MAP4K5: variants seen among roughly 807,000 people sequenced by gnomAD.
MAP4K5 encodes MAPK/ERK kinase kinase kinase 5.
A neutral mutation model predicts 135.6 loss-of-function variants in MAP4K5; 82 were observed. The observed-to-expected ratio is 0.60, with a 90% CI of 0.51 to 0.73. The LOEUF is 0.73. MAP4K5 is among the 30% of genes least tolerant of loss of function. The probability of loss-of-function intolerance (pLI) is 0.00; values close to 1 mark genes in which losing one functional copy is unlikely to be tolerated. For missense variants in MAP4K5, 907 were observed against 1,010.9 expected (o/e 0.90, Z 1.39); for synonymous variants, 347 against 335.0 (o/e 1.04, Z -0.39).
Position 50,419,872 on chromosome 14 carries a change from T to C in MAP4K5, c.*147A>G, listed in dbSNP as rs1457806896. ...TAGCTGTTTCCAGCTGCAGAAAATA[T>C]TGAATTCTACCCTAAAGTACAGATC... is the stretch of plus-strand genomic sequence containing the variant. On this transcript the variant is annotated 3_prime_UTR_variant, in exon 33 of 33. Coordinates refer to ENST00000682126, the MANE Select transcript of MAP4K5 (RefSeq NM_006575.6). 7 of 610,430 alleles carry C rather than the reference T, an allele frequency of 1.1e-5. No individual in the cohort carries two copies. The highest frequency in any genetic ancestry group is 2.0e-5 in the Non-Finnish European group (7 of 342,958). The allele number at this position is 610,430 out of a possible 1,614,324, so 37.8% of individuals were successfully genotyped here. A position where few individuals can be genotyped will look rare whatever the true frequency, so the allele number is the denominator to read the frequency against.
rs747743320 is a variant in MAP4K5 at position 50,445,166 on chromosome 14, TTGTCTTCAGGGTAAC to T, written c.1199_1213del (p.Ser400_Asp404del). 1.2e-6 allele frequency: 2 copies of T among 1,613,516 alleles called. No individual in the cohort carries two copies. Among genetic ancestry groups the T allele is most frequent in the Admixed American group, 1.7e-5 (1 of 59,966 alleles). On this transcript the variant is annotated inframe_deletion, in exon 18 of 33. Coordinates refer to ENST00000682126, the MANE Select transcript of MAP4K5 (RefSeq NM_006575.6). ...TGATGCTTTTTCTTCATCCGGAAAG[TTGTCTTCAGGGTAAC>T]TGCTTATCCTTGGCTAGTGGTACAA...
chr14:50,483,333 G>A (rs1267037389), intron 5 of MAP4K5, among the ~76,000 whole-genome samples: 2 of 152,006 alleles, frequency 1.3e-5, no homozygotes, highest in African/African-American at 4.8e-5. Flanking sequence ...CAGAGGCTTC[G>A]GGACTATGCC....
chr14:50,428,538 A>T, intron 30 of MAP4K5, 124 bp downstream of exon 30: 1 of 578,960 alleles, frequency 1.7e-6, no homozygotes, highest in Non-Finnish European at 2.9e-6. Context: ...TTACAGGCGT[A>T]GAACATTTCT....
intron 11 of MAP4K5, among the ~76,000 whole-genome samples, chr14:50,465,337 C>G (rs192827369): frequency 6.6e-6 from 1 of 152,224 alleles, no homozygotes; most frequent in East Asian, 1.9e-4. Flanking sequence ...ATAAGGAATT[C>G]TAGAATTTAA....
At chr14:50,470,704 T>C (rs2036940295) in intron 9 of MAP4K5, among the ~76,000 whole-genome samples, 2 of 152,036 alleles carry the variant, frequency 1.3e-5, no homozygotes, top group African/African-American at 2.4e-5. Flanking sequence ...TATAAAATGG[T>C]ATCATATTGC....
Position 50,445,282 on chromosome 14 carries a change from C to A in MAP4K5, c.1186-88G>T, listed in dbSNP as rs112687551. 17 of 1,232,554 alleles carry A rather than the reference C, an allele frequency of 1.4e-5. 1 individual carries two copies. Among genetic ancestry groups the A allele is most frequent in the Middle Eastern group, 2.1e-4 (1 of 4,862 alleles). 76.4% of individuals were successfully genotyped at this position (1,232,554 alleles called of 1,614,324 possible). A position where few individuals can be genotyped will look rare whatever the true frequency, so the allele number is the denominator to read the frequency against. On this transcript the variant is annotated intron_variant, in intron 17 of 32. Transcript: ENST00000682126. ...AAAGGGAAATGCACCTTTTTTCATT[C>A]TTCTATACAGTTCAATTCACTGGGC...
chr14:50,429,340 C>A, intron 28 of MAP4K5, 80 bp from the exon 29 acceptor site: 1 of 824,566 alleles, frequency 1.2e-6, no homozygotes, highest in South Asian at 1.7e-5. Context: ...CTGACTTTTG[C>A]TGTGACTTAA....
At chr14:50,512,690 C>G (rs988860126) in intron 2 of MAP4K5, among the ~76,000 whole-genome samples, 4 of 152,044 alleles carry the variant, frequency 2.6e-5, no homozygotes, top group African/African-American at 9.7e-5. Context: ...GGCAAAGAGG[C>G]TTTCAGAAAA....
chr14:50,448,835 G>T lies in MAP4K5; in HGVS notation c.1016-3C>A. ...AGGTTCAAATTGTAATTTGTCAACTGCAAAATATATAACAGGTATGTACAA... is the reference window on the plus strand; with the variant it reads ...AGGTTCAAATTGTAATTTGTCAACTTCAAAATATATAACAGGTATGTACAA... On this transcript the variant is annotated splice_polypyrimidine_tract_variant and splice_region_variant and intron_variant, in intron 14 of 32. Coordinates refer to ENST00000682126, the MANE Select transcript of MAP4K5 (RefSeq NM_006575.6). The T allele has an allele frequency of 6.7e-7, 1 of 1,486,974 alleles. No individual in the cohort carries two copies. The highest frequency in any genetic ancestry group is 2.4e-5 in the East Asian group (1 of 42,362). The allele number at this position is 1,486,974 out of a possible 1,614,324, so 92.1% of individuals were successfully genotyped here. A position where few individuals can be genotyped will look rare whatever the true frequency, so the allele number is the denominator to read the frequency against.
At chr14:50,551,009 G>GA (rs996764781) in intron 1 of MAP4K5, among the ~76,000 whole-genome samples, 7 of 149,008 alleles carry the variant, frequency 4.7e-5, no homozygotes, top group South Asian at 2.1e-4. Flanking sequence ...AAACCCAGCA[G>GA]AAAAAAAAAT....
intron 12 of MAP4K5, among the ~76,000 whole-genome samples, chr14:50,463,094 T>C (rs1375024692): frequency 6.6e-6 from 1 of 152,202 alleles, no homozygotes; most frequent in Admixed American, 6.5e-5. Flanking sequence ...CATATCACTA[T>C]ACTGATGCAA....
rs550504551 is a variant in MAP4K5 at position 50,545,652 on chromosome 14, T to TA, written c.-179-3069dup. Among the ~76,000 whole-genome samples the TA allele has an allele frequency of 4.6e-5, 7 of 152,202 alleles. No homozygotes were observed. The East Asian group carries it at 1.2e-3, about 25-fold the overall frequency. ...AAATTGTTAAAGCAGGAAAAATAGA[T>TA]ACAAAAGTTAAGGGAGGAGCTGCAG... On this transcript the variant is annotated intron_variant, in intron 1 of 8. Transcript: ENST00000555216.
intron 6 of MAP4K5, among the ~76,000 whole-genome samples, chr14:50,481,507 T>C (rs956383173): frequency 6.6e-6 from 1 of 152,000 alleles, no homozygotes; most frequent in Admixed American, 6.6e-5. Context: ...CTACACAATA[T>C]AGGAAATTTA....
intron 3 of MAP4K5, among the ~76,000 whole-genome samples, chr14:50,499,241 T>A (rs1001900958): frequency 6.6e-6 from 1 of 150,694 alleles, no homozygotes; most frequent in African/African-American, 2.4e-5. Flanking sequence ...GAAAAAAGAG[T>A]ACAGGAAAAT....
intron 6 of MAP4K5, among the ~76,000 whole-genome samples, 161 bp from the exon 7 acceptor site, chr14:50,476,467 ATTTGTT>A (rs2037101618): frequency 6.6e-6 from 1 of 152,058 alleles, no homozygotes; most frequent in South Asian, 2.1e-4. Flanking sequence ...TATTTTAAAG[ATTTGTT>A]TTTGTTTTTG....
chr14:50,523,624 C>T (rs1485488504), intron 2 of MAP4K5, among the ~76,000 whole-genome samples: 1 of 152,196 alleles, frequency 6.6e-6, no homozygotes, highest in Non-Finnish European at 1.5e-5. Context: ...TCAGGCATTC[C>T]TGATCCTCCT....
chr14:50,557,478 G>A (rs1354868852), intron 1 of MAP4K5, among the ~76,000 whole-genome samples: 3 of 151,850 alleles, frequency 2.0e-5, no homozygotes, highest in Non-Finnish European at 1.5e-5. Flanking sequence ...ATTTAACATT[G>A]TATTCTGGAA....
At chr14:50,456,381 C>A in intron 14 of MAP4K5, 135 bp downstream of exon 14, 1 of 646,976 alleles carries the variant, frequency 1.5e-6, no homozygotes, top group South Asian at 1.9e-5. Context: ...AGAAAAGCAA[C>A]CCCTATTTTA....
intron 3 of MAP4K5, among the ~76,000 whole-genome samples, chr14:50,489,067 G>A (rs201142658): frequency 1.3e-5 from 2 of 152,120 alleles, no homozygotes; most frequent in East Asian, 1.9e-4. Context: ...TGGGTGATAC[G>A]CCAAATTAAT....
Sources: allele counts gnomAD v4.1 joint callset (sites outside exome capture counted in the v4.1 genomes callset), GRCh38; gene constraint gnomAD v4.1.1; transcripts MANE v1.5; gene names NCBI Gene and HGNC (gene_info 2026-07-23, HGNC 2026-07-21).